The following AFG3L2 variants were observed in gnomAD, a reference collection of about 807,000 sequenced individuals.
AFG3L2 encodes the protein mitochondrial inner membrane m-AAA protease component AFG3L2.
Under a neutral mutation model 94.5 loss-of-function variants are expected in AFG3L2, and 54 were observed. That is an observed-to-expected ratio of 0.57 (90% CI 0.46 to 0.72). The LOEUF (loss-of-function observed/expected upper bound fraction) is 0.72. Ranked by LOEUF, AFG3L2 falls within the 30% of genes least tolerant of loss-of-function variation. AFG3L2 has a pLI of 0.00. For synonymous variants in AFG3L2, 377 were observed against 365.5 expected, an observed-to-expected ratio of 1.03 and a Z score of -0.36; for missense variants, 754 against 994.9, an observed-to-expected ratio of 0.76 and a Z score of 3.26.
intron 2 of AFG3L2, 69 bp from the exon 3 acceptor site, chr18:12,370,995 T>C: frequency 9.7e-7 from 1 of 1,030,234 alleles, no homozygotes; most frequent in Non-Finnish European, 1.4e-6. Flanking sequence ...CATTTTGTTT[T>C]CAAAGCAGCT....
intron 9 of AFG3L2, among the ~76,000 whole-genome samples, chr18:12,356,241 G>T (rs191036941): frequency 6.7e-6 from 1 of 150,278 alleles, no homozygotes; most frequent in Non-Finnish European, 1.5e-5. Flanking sequence ...AACTTCTGCC[G>T]CCTGGGTTCA....
chr18:12,348,720 C>T (rs564343014), intron 12 of AFG3L2, among the ~76,000 whole-genome samples: 35 of 152,304 alleles, frequency 2.3e-4, no homozygotes, highest in African/African-American at 8.2e-4. Context: ...TTAGTTCTAT[C>T]ACCTGTGTTG....
intron 14 of AFG3L2, chr18:12,341,668 G>A (rs1240497402): frequency 6.6e-6 from 1 of 152,274 alleles, no homozygotes; most frequent in Non-Finnish European, 1.5e-5. Flanking sequence ...ATTCTTGATG[G>A]AAGTCAGGGT....
At chr18:12,354,613 G>A (rs1908431897) in intron 9 of AFG3L2, among the ~76,000 whole-genome samples, 1 of 152,186 alleles carries the variant, frequency 6.6e-6, no homozygotes, top group African/African-American at 2.4e-5. Flanking sequence ...ACTTCACTCT[G>A]ACAAGACCAG....
At chr18:12,351,485 A>G (rs1908315342) in intron 10 of AFG3L2, 72 bp from the exon 11 acceptor site, 3 of 1,243,462 alleles carry the variant, frequency 2.4e-6, no homozygotes. Context: ...CATCAGGAAC[A>G]TATGAGCACT....
At chr18:12,362,370 T>G (rs891066791) in intron 6 of AFG3L2, among the ~76,000 whole-genome samples, 1 of 152,154 alleles carries the variant, frequency 6.6e-6, no homozygotes, top group Non-Finnish European at 1.5e-5. Context: ...TGTAAAAACT[T>G]GGGATATGCA....
intron 6 of AFG3L2, among the ~76,000 whole-genome samples, chr18:12,362,719 T>C (rs1379088282): frequency 7.0e-6 from 1 of 143,882 alleles, no homozygotes; most frequent in African/African-American, 3.0e-5. Flanking sequence ...CTGTTAACCC[T>C]GTGCCTGACA....
At chr18:12,359,844 T>C (rs1467684212) in intron 7 of AFG3L2, 83 bp downstream of exon 7, 3 of 1,563,024 alleles carry the variant, frequency 1.9e-6, no homozygotes, top group African/African-American at 1.4e-5. Context: ...GAATATAATG[T>C]ATAGCCCTGC....
chr18:12,353,159 C>T lies in AFG3L2; in HGVS notation c.1165-1G>A, dbSNP rs1332882681. 1 of 1,613,834 alleles carries T rather than the reference C, an allele frequency of 6.2e-7. No homozygotes were observed. The highest frequency in any genetic ancestry group is 1.7e-5 in the Admixed American group (1 of 59,972). On this transcript the variant is annotated splice_acceptor_variant, in intron 9 of 16. Transcript: ENST00000269143. LOFTEE classifies it high-confidence loss of function. ...GAGCAAGGGCAAATAAGTCTCGGAC[C>T]TTGGCAAAAACAGAAAGAGAGTCAC...
chr18:12,370,054 CAAAAAAAAA>C (rs796293157), intron 3 of AFG3L2, among the ~76,000 whole-genome samples: 4,295 of 36,210 alleles, frequency 0.12, 230 homozygotes, highest in African/African-American at 0.28. Flanking sequence ...GACTCTGTCT[CAAAAAAAAA>C]AAAAAAAAAA....
At position 12,348,080 on chromosome 18, in the gene AFG3L2, G is replaced by A. The variant is rs143090211; in HGVS notation, c.1663+193C>T. Among the ~76,000 whole-genome samples, 1,409 of 152,222 alleles carry A rather than the reference G, an allele frequency of 9.3e-3. 22 individuals are homozygous for A. The highest frequency in any genetic ancestry group is 0.032 in the African/African-American group (1,322 of 41,506). On this transcript the variant is annotated intron_variant, in intron 13 of 16. Coordinates refer to ENST00000269143, the MANE Select transcript of AFG3L2 (RefSeq NM_006796.3). The stretch of plus-strand genomic sequence containing the variant: ...ATGCAGAGGGCAGGTGGCAGGGGAC[G>A]GTGGCAGGAAGAAGGAGGAGAGGGA...
intron 13 of AFG3L2, among the ~76,000 whole-genome samples, chr18:12,345,790 A>G (rs1908114338): frequency 6.6e-6 from 1 of 152,200 alleles, no homozygotes; most frequent in African/African-American, 2.4e-5. Flanking sequence ...CTGTCTCTAC[A>G]GTGAATTATT....
In AFG3L2 at chr18:12,363,935, T is replaced by G. The variant is rs1026746135; in HGVS notation, c.553-79A>C. On this transcript the variant is annotated intron_variant, in intron 5 of 16. Transcript: ENST00000269143. ...CTCTTTTAAGCTCATTTAAAATGCA[T>G]ATGATGTTTCAGCCACACAAGGAAA... 6.4e-6 allele frequency: 7 copies of G among 1,093,370 alleles called. No homozygotes were observed. In the Admixed American group the frequency reaches 1.0e-4, roughly 16 times the overall value. 67.7% of individuals were successfully genotyped at this position (1,093,370 alleles called of 1,614,324 possible). A position where few individuals can be genotyped will look rare whatever the true frequency, so the allele number is the denominator to read the frequency against.
chr18:12,356,847 AAG>A lies in AFG3L2; in HGVS notation c.1027-18_1027-17del. Reference sequence around the variant, plus strand: ...GAATGGCACCCTTCAGATATGAAAAAAGAAATTACATTTAATGAGAATTCCAG... The same window carrying A: ...GAATGGCACCCTTCAGATATGAAAAAAAATTACATTTAATGAGAATTCCAG... On this transcript the variant is annotated splice_polypyrimidine_tract_variant and intron_variant, in intron 8 of 16. Transcript: ENST00000269143. The A allele has an allele frequency of 1.2e-6, 2 of 1,613,248 alleles. No homozygotes were observed. The highest frequency in any genetic ancestry group is 1.7e-6 in the Non-Finnish European group (2 of 1,179,614).
rs766816528 is a variant in AFG3L2 at position 12,356,834 on chromosome 18, T to C, written c.1027-3A>G. 1 of 1,613,888 alleles carries C rather than the reference T, an allele frequency of 6.2e-7. No homozygotes were observed. ...GGAGGACCAGTGAGAATGGCACCCT[T>C]CAGATATGAAAAAAGAAATTACATT... is the stretch of plus-strand genomic sequence containing the variant. On this transcript the variant is annotated splice_polypyrimidine_tract_variant and splice_region_variant and intron_variant, in intron 8 of 16. Coordinates refer to ENST00000269143, the MANE Select transcript of AFG3L2 (RefSeq NM_006796.3).
rs1196851876 is a variant in AFG3L2, at chr18:12,340,796, T to C, written c.1780-395A>G. 5 of 233,640 alleles carry C rather than the reference T, an allele frequency of 2.1e-5. No homozygotes were observed. In the East Asian group the frequency reaches 4.0e-4, roughly 19 times the overall value. 14.5% of individuals were successfully genotyped at this position (233,640 alleles called of 1,614,324 possible). A position where few individuals can be genotyped will look rare whatever the true frequency, so the allele number is the denominator to read the frequency against. Reference sequence around the variant, plus strand: ...TTTTAGTAAAGAAGGGGTTTCACCATGTTGGTCAGGCTGGTCTCGAACGCC... The same window carrying C: ...TTTTAGTAAAGAAGGGGTTTCACCACGTTGGTCAGGCTGGTCTCGAACGCC... On this transcript the variant is annotated intron_variant, in intron 14 of 16. Transcript: ENST00000269143.
Position 12,337,266 on chromosome 18 carries a change from C to A in AFG3L2, c.2175+75G>T. ...GGGAATTCTGCAGTCTACACACCAACCAAAACAGTCTATCTATCACTTCAA... is the reference window on the plus strand; with the variant it reads ...GGGAATTCTGCAGTCTACACACCAAACAAAACAGTCTATCTATCACTTCAA... On this transcript the variant is annotated intron_variant, in intron 16 of 16. Transcript: ENST00000269143. 6 of 1,374,994 alleles carry A rather than the reference C, an allele frequency of 4.4e-6. 1 individual carries two copies. In the South Asian group the frequency reaches 7.0e-5, roughly 16 times the overall value. The allele number at this position is 1,374,994 out of a possible 1,614,324, so 85.2% of individuals were successfully genotyped here.
At chr18:12,354,128 T>TCC (rs1200634370) in intron 9 of AFG3L2, among the ~76,000 whole-genome samples, 11 of 52,652 alleles carry the variant, frequency 2.1e-4, no homozygotes, top group African/African-American at 1.0e-3. Context: ...ACCTGCCCAC[T>TCC]CCCACCCCCC....
intron 1 of AFG3L2, among the ~76,000 whole-genome samples, chr18:12,375,154 C>T (rs1216771719): frequency 6.6e-6 from 1 of 151,556 alleles, no homozygotes; most frequent in African/African-American, 2.4e-5. Context: ...CACACGGCAG[C>T]GTGGCGTGAC....
Sources: gnomAD v4.1 joint callset for allele counts (sites outside exome capture counted in the v4.1 genomes callset) on GRCh38, gnomAD v4.1.1 for gene constraint, MANE v1.5 for transcripts, NCBI Gene and HGNC (gene_info 2026-07-23, HGNC 2026-07-21) for gene names.